Variants in TAF3 observed in about 807,000 individuals in gnomAD.
TAF3 encodes the protein TATA-box binding protein associated factor 3.
In TAF3, 7 loss-of-function variants were observed where a neutral mutation model predicts 80.6. The observed-to-expected ratio is 0.09, with a 90% CI of 0.05 to 0.16. TAF3 has a LOEUF of 0.16. Among genes scored for constraint, TAF3 ranks in the 10% least tolerant of loss-of-function variants. TAF3 has a pLI of 1.00. For missense variants in TAF3, 921 were observed against 1,140.2 expected, an observed-to-expected ratio of 0.81 and a Z score of 2.77; for synonymous variants, 444 against 446.1, an observed-to-expected ratio of 1.00 and a Z score of 0.06.
At chr10:7,952,140 G>A (rs903577536) in intron 2 of TAF3, among the ~76,000 whole-genome samples, 1 of 152,048 alleles carries the variant, frequency 6.6e-6, no homozygotes, top group Non-Finnish European at 1.5e-5. Flanking sequence ...TTGCACAAAG[G>A]GCCTACATCC....
At position 7,910,270 on chromosome 10, in the gene TAF3, C is replaced by G. The variant is rs139695736; in HGVS notation, c.410-53650C>G. On this transcript the variant is annotated intron_variant, in intron 2 of 6. Coordinates refer to ENST00000344293, the MANE Select transcript of TAF3 (RefSeq NM_031923.4). ...CTACTTTTATTTAAGTATGAAGTGT[C>G]TAATAAAGATGTATAGTGTGACGTA... 2.5e-3 allele frequency among the ~76,000 whole-genome samples: 381 copies of G among 152,134 alleles called. 2 individuals carry two copies. The highest frequency in any genetic ancestry group is 8.9e-3 in the African/African-American group (368 of 41,514).
chr10:7,876,028 A>G (rs1290015776), intron 2 of TAF3, among the ~76,000 whole-genome samples: 1 of 151,648 alleles, frequency 6.6e-6, no homozygotes, highest in East Asian at 1.9e-4. Context: ...AAACTTTTAA[A>G]TTTATATTTA....
At chr10:7,962,449 C>T (rs889285808) in intron 2 of TAF3, among the ~76,000 whole-genome samples, 1 of 152,182 alleles carries the variant, frequency 6.6e-6, no homozygotes, top group Non-Finnish European at 1.5e-5. Flanking sequence ...CCTTCTAGGT[C>T]CAAACTACCA....
chr10:7,959,629 C>T (rs1470206322), intron 2 of TAF3, among the ~76,000 whole-genome samples: 1 of 152,044 alleles, frequency 6.6e-6, no homozygotes, highest in Non-Finnish European at 1.5e-5. Flanking sequence ...TTTTTGATAC[C>T]GTTATGAGTT....
At chr10:7,968,536 T>C (rs1353903479) in intron 3 of TAF3, among the ~76,000 whole-genome samples, 2 of 152,196 alleles carry the variant, frequency 1.3e-5, no homozygotes, top group East Asian at 3.8e-4. Flanking sequence ...TTAGAAATAA[T>C]GATAAGAACA....
chr10:7,838,564 T>C (rs1836875992), intron 2 of TAF3, among the ~76,000 whole-genome samples: 1 of 152,128 alleles, frequency 6.6e-6, no homozygotes, highest in Non-Finnish European at 1.5e-5. Context: ...GTAATTTTTG[T>C]AGAGGTGGGA....
intron 6 of TAF3, 140 bp downstream of exon 6, chr10:8,013,977 G>A (rs1328542550): frequency 1.5e-6 from 1 of 665,072 alleles, no homozygotes; most frequent in Non-Finnish European, 2.6e-6. Context: ...TCAAATCACT[G>A]AGCCTGTGAA....
intron 2 of TAF3, among the ~76,000 whole-genome samples, chr10:7,955,687 C>G (rs1000738779): frequency 6.6e-6 from 1 of 152,178 alleles, no homozygotes; most frequent in African/African-American, 2.4e-5. Context: ...TGTTCTAAGT[C>G]AATATTTATA....
chr10:7,966,161 T>A (rs1033993308), intron 3 of TAF3, among the ~76,000 whole-genome samples: 1 of 152,266 alleles, frequency 6.6e-6, no homozygotes, highest in African/African-American at 2.4e-5. Context: ...CGGCACTATT[T>A]TAAGAGGACA....
At chr10:7,920,843 A>C (rs753377302) in intron 2 of TAF3, among the ~76,000 whole-genome samples, 5 of 152,230 alleles carry the variant, frequency 3.3e-5, no homozygotes, top group African/African-American at 4.8e-5. Flanking sequence ...TAGAAAGTTA[A>C]TAATTTTTTT....
chr10:7,965,286 C>A lies in TAF3; in HGVS notation c.1776C>A (p.Ile592=). Residue 592 remains isoleucine (I), a synonymous_variant, in exon 3 of 7, where the codon ATC becomes ATA. Coordinates refer to ENST00000344293, the MANE Select transcript of TAF3 (RefSeq NM_031923.4). ...AGGCAGATCCCTACAAGTTTAAAATCAAAGAATTTGAAGATGTTGATCCCA... is the reference window on the plus strand; with the variant it reads ...AGGCAGATCCCTACAAGTTTAAAATAAAAGAATTTGAAGATGTTGATCCCA... ...EEEADPYKFK[I]KEFEDVDPKV... 2 of 1,606,936 alleles carry A rather than the reference C, an allele frequency of 1.2e-6. No homozygotes were observed. Among genetic ancestry groups the A allele is most frequent in the African/African-American group, 2.7e-5 (2 of 74,290 alleles).
chr10:7,834,888 A>C (rs1156531905), intron 2 of TAF3, among the ~76,000 whole-genome samples: 1 of 152,158 alleles, frequency 6.6e-6, no homozygotes. Context: ...GTCAGATCAT[A>C]TAGCTACTGT....
chr10:7,976,136 C>T (rs1353956723), intron 3 of TAF3, among the ~76,000 whole-genome samples: 2 of 152,170 alleles, frequency 1.3e-5, no homozygotes, highest in African/African-American at 2.4e-5. Flanking sequence ...TCTGTGTTCT[C>T]TTCTGACGAA....
intron 4 of TAF3, among the ~76,000 whole-genome samples, chr10:8,007,185 C>A (rs929413268): frequency 5.9e-5 from 9 of 152,084 alleles, no homozygotes; most frequent in African/African-American, 1.9e-4. Context: ...TTACTAATAC[C>A]ATGGAATACA....
chr10:7,955,203 TCTCC>T (rs1204992283), intron 2 of TAF3, among the ~76,000 whole-genome samples: 1 of 152,210 alleles, frequency 6.6e-6, no homozygotes, highest in Non-Finnish European at 1.5e-5. Flanking sequence ...CTGCCCCACC[TCTCC>T]CGTGCTGTCT....
At chr10:7,915,550 G>A (rs1432208982) in intron 2 of TAF3, among the ~76,000 whole-genome samples, 4 of 151,356 alleles carry the variant, frequency 2.6e-5, no homozygotes, top group African/African-American at 9.7e-5. Context: ...GGCTGAGGCA[G>A]GAGAATGGTG....
chr10:7,988,662 G>A (rs1046060811), intron 4 of TAF3, among the ~76,000 whole-genome samples: 12 of 145,072 alleles, frequency 8.3e-5, no homozygotes, highest in Admixed American at 1.4e-4. Context: ...AAGGCAGGAG[G>A]ACCACTTGAG....
intron 2 of TAF3, among the ~76,000 whole-genome samples, chr10:7,900,555 A>T (rs988281909): frequency 6.6e-6 from 1 of 152,248 alleles, no homozygotes; most frequent in Non-Finnish European, 1.5e-5. Flanking sequence ...CAATGCTGGC[A>T]TCATTGAAAA....
chr10:7,913,039 C>G (rs759576436), intron 2 of TAF3, among the ~76,000 whole-genome samples: 1 of 152,154 alleles, frequency 6.6e-6, no homozygotes, highest in Non-Finnish European at 1.5e-5. Flanking sequence ...CCTCTTTCCT[C>G]GGCTTGCAGG....
Sources: gnomAD v4.1 joint callset for allele counts (sites outside exome capture counted in the v4.1 genomes callset) on GRCh38, gnomAD v4.1.1 for gene constraint, MANE v1.5 for transcripts, NCBI Gene and HGNC (gene_info 2026-07-23, HGNC 2026-07-21) for gene names.